The following FAM135B variants were observed in gnomAD, a reference collection of about 807,000 sequenced individuals.
FAM135B encodes family with sequence similarity 135 member B, also known as protein FAM135B.
FAM135B carries 43 observed loss-of-function variants against 127.7 expected under a neutral mutation model. The observed-to-expected ratio is 0.34, with a 90% CI of 0.26 to 0.43. FAM135B has a LOEUF of 0.43. Among genes scored for constraint, FAM135B ranks in the 20% least tolerant of loss-of-function variants. The pLI is 1.00. For missense variants in FAM135B, 1,558 were observed against 1,725.6 expected (o/e 0.90, Z 1.72); for synonymous variants, 670 against 665.1 (o/e 1.01, Z -0.11).
intron 8 of FAM135B, among the ~76,000 whole-genome samples, chr8:138,197,021 A>G (rs1816682513): frequency 6.6e-6 from 1 of 152,116 alleles, no homozygotes; most frequent in South Asian, 2.1e-4. Flanking sequence ...AACCAAATGT[A>G]ATGGATACTA....
chr8:138,305,349 G>A (rs1210849857), intron 3 of FAM135B, among the ~76,000 whole-genome samples: 1 of 151,960 alleles, frequency 6.6e-6, no homozygotes, highest in African/African-American at 2.4e-5. Context: ...AACAGACCCC[G>A]CTCCCAAGCA....
Position 138,299,108 on chromosome 8 carries a change from T to A in FAM135B, c.157+11733A>T, listed in dbSNP as rs373410168. Among the ~76,000 whole-genome samples, 117 of 139,810 alleles carry A rather than the reference T, an allele frequency of 8.4e-4. 1 individual carries two copies. Among genetic ancestry groups the A allele is most frequent in the Admixed American group, 1.6e-3 (22 of 13,984 alleles). 91.7% of individuals were successfully genotyped at this position (139,810 alleles called of 152,430 possible). ...ATAAATAAATAAATAAATAAATAAA[T>A]AAAATAAAAATAAAAAATAAAAAAA... On this transcript the variant is annotated intron_variant, in intron 3 of 19. Coordinates refer to ENST00000395297, the MANE Select transcript of FAM135B (RefSeq NM_015912.4).
At chr8:138,258,212 A>T (rs540836845) in intron 4 of FAM135B, among the ~76,000 whole-genome samples, 3 of 152,104 alleles carry the variant, frequency 2.0e-5, no homozygotes, top group African/African-American at 7.2e-5. Flanking sequence ...CCCAATCCCC[A>T]CCTTTTTTGG....
chr8:138,190,418 G>C (rs1160164527), intron 9 of FAM135B, among the ~76,000 whole-genome samples: 1 of 152,196 alleles, frequency 6.6e-6, no homozygotes, highest in Non-Finnish European at 1.5e-5. Flanking sequence ...TGTTAAAACA[G>C]AGGGCTTAAG....
Position 138,399,478 on chromosome 8 carries a change from A to AT in FAM135B, c.-19-31477dup, listed in dbSNP as rs544979680. ...TTAAACCCCAGGGCAGAAGCGAGGC[A>AT]TTTTTTAGGATTCACTGAAGGAACA... On this transcript the variant is annotated intron_variant, in intron 1 of 19. Transcript: ENST00000395297. 1.1e-4 allele frequency among the ~76,000 whole-genome samples: 17 copies of AT among 152,258 alleles called. No individual in the cohort carries two copies. The East Asian group carries it at 2.7e-3, about 24-fold the overall frequency.
intron 1 of FAM135B, among the ~76,000 whole-genome samples, chr8:138,387,820 T>C (rs1046195931): frequency 1.3e-5 from 2 of 152,216 alleles, no homozygotes; most frequent in African/African-American, 2.4e-5. Context: ...TCCCTACTCC[T>C]AAAATACCTT....
At chr8:138,177,997 C>G (rs553225827) in intron 10 of FAM135B, among the ~76,000 whole-genome samples, 1 of 152,264 alleles carries the variant, frequency 6.6e-6, no homozygotes, top group African/African-American at 2.4e-5. Flanking sequence ...GTAATCCCAG[C>G]ACTCTGGGAG....
Position 138,152,664 on chromosome 8 carries a change from G to A in FAM135B, c.1811C>T (p.Ala604Val), listed in dbSNP as rs1365568888. 1 of 1,614,158 alleles carries A rather than the reference G, an allele frequency of 6.2e-7. No individual in the cohort carries two copies. The highest frequency in any genetic ancestry group is 1.7e-5 in the Admixed American group (1 of 60,018). Reference sequence around the variant, plus strand: ...GAGAGTTGTTTTGTCTGAAGAGATGGCATTTTGGTGGCTTCCACCTACTAC... The same window carrying A: ...GAGAGTTGTTTTGTCTGAAGAGATGACATTTTGGTGGCTTCCACCTACTAC... Reference protein sequence around the residue: ...KVVVGGSHQNAISSDKTTLHE... With the variant: ...KVVVGGSHQNVISSDKTTLHE... Residue 604 changes from alanine to valine, a missense_variant, in exon 13 of 20, where the codon GCC becomes GTC. Physicochemically the swap from Ala to Val is moderately conservative, Grantham distance 64. Transcript: ENST00000395297.
chr8:138,342,903 C>T (rs1352347306), intron 2 of FAM135B, among the ~76,000 whole-genome samples: 2 of 152,216 alleles, frequency 1.3e-5, no homozygotes, highest in Non-Finnish European at 2.9e-5. Context: ...TGCATCCAAA[C>T]ATGCATGCAC....
chr8:138,188,388 C>G (rs989399374), intron 9 of FAM135B, among the ~76,000 whole-genome samples: 2 of 152,168 alleles, frequency 1.3e-5, no homozygotes, highest in Admixed American at 6.5e-5. Flanking sequence ...CCAGTGGGAT[C>G]TAATGCTGAA....
chr8:138,470,679 C>T (rs1168149444), intron 1 of FAM135B, among the ~76,000 whole-genome samples: 1 of 152,142 alleles, frequency 6.6e-6, no homozygotes, highest in African/African-American at 2.4e-5. Context: ...CACAAATCTA[C>T]ACAACTGGGT....
intron 7 of FAM135B, among the ~76,000 whole-genome samples, chr8:138,212,414 A>C (rs1368955790): frequency 6.6e-6 from 1 of 152,218 alleles, no homozygotes; most frequent in African/African-American, 2.4e-5. Flanking sequence ...CTGAGGCACA[A>C]AAAGGAAATA....
chr8:138,412,031 A>G (rs957086881), intron 1 of FAM135B, among the ~76,000 whole-genome samples: 2 of 152,198 alleles, frequency 1.3e-5, no homozygotes, highest in Admixed American at 6.5e-5. Context: ...CATGGACATA[A>G]AAATTGCAAC....
At chr8:138,302,052 C>T (rs1334833054) in intron 3 of FAM135B, among the ~76,000 whole-genome samples, 3 of 152,118 alleles carry the variant, frequency 2.0e-5, no homozygotes, top group Non-Finnish European at 4.4e-5. Flanking sequence ...CTAAAATAGC[C>T]AGTGTTGATG....
chr8:138,319,654 T>C (rs1512399), intron 2 of FAM135B, among the ~76,000 whole-genome samples: 151,433 of 152,280 alleles, frequency 0.99, 75,302 homozygotes, highest in East Asian at 1. Flanking sequence ...AAAATAGTCA[T>C]CCTTTATTGA....
At chr8:138,298,904 G>A (rs1258450401) in intron 3 of FAM135B, among the ~76,000 whole-genome samples, 1 of 151,786 alleles carries the variant, frequency 6.6e-6, no homozygotes, top group Admixed American at 6.6e-5. Context: ...ACCCCACACT[G>A]GGTCCCTTAG....
At chr8:138,251,683 C>A (rs564807285) in intron 5 of FAM135B, among the ~76,000 whole-genome samples, 1 of 152,272 alleles carries the variant, frequency 6.6e-6, no homozygotes, top group East Asian at 1.9e-4. Context: ...AGAGATTAAA[C>A]CAACTGGCAC....
intron 7 of FAM135B, among the ~76,000 whole-genome samples, chr8:138,227,555 A>C (rs1222677160): frequency 6.6e-6 from 1 of 152,178 alleles, no homozygotes; most frequent in Non-Finnish European, 1.5e-5. Context: ...ATTGGGGTAT[A>C]ACTGACATAC....
At chr8:138,144,905 T>G (rs1817528671) in intron 15 of FAM135B, among the ~76,000 whole-genome samples, 1 of 152,200 alleles carries the variant, frequency 6.6e-6, no homozygotes, top group Non-Finnish European at 1.5e-5. Flanking sequence ...AAAGAAAACC[T>G]CACTAGCACA....
Sources: gnomAD v4.1 joint callset for allele counts (sites outside exome capture counted in the v4.1 genomes callset) on GRCh38, gnomAD v4.1.1 for gene constraint, MANE v1.5 for transcripts, NCBI Gene and HGNC (gene_info 2026-07-23, HGNC 2026-07-21) for gene names.